HERC4: variants seen among roughly 807,000 people sequenced by gnomAD.
HERC4 encodes the protein probable E3 ubiquitin-protein ligase HERC4.
A neutral mutation model predicts 124.3 loss-of-function variants in HERC4; 28 were observed. The observed-to-expected ratio is 0.23, with a 90% confidence interval of 0.17 to 0.31. The LOEUF (loss-of-function observed/expected upper bound fraction) is 0.31. Among genes scored for constraint, HERC4 ranks in the 10% least tolerant of loss-of-function variants. The pLI is 1.00. For synonymous variants in HERC4, 407 were observed against 421.5 expected (o/e 0.97, Z 0.42); for missense variants, 713 against 1,229.3 (o/e 0.58, Z 6.28).
chr10:67,927,003 C>T (rs147361667), intron 23 of HERC4, among the ~76,000 whole-genome samples: 128 of 152,226 alleles, frequency 8.4e-4, no homozygotes, highest in African/African-American at 3.0e-3. Context: ...TAAATACTTG[C>T]TAATGGGCTT....
intron 8 of HERC4, among the ~76,000 whole-genome samples, chr10:68,018,025 T>C (rs1437955825): frequency 2.0e-5 from 3 of 152,182 alleles, no homozygotes; most frequent in African/African-American, 7.2e-5. Flanking sequence ...CATTCCTCAA[T>C]GTTATTTTAT....
intron 9 of HERC4, among the ~76,000 whole-genome samples, chr10:68,000,196 A>G (rs577727806): frequency 1.3e-5 from 2 of 152,226 alleles, no homozygotes; most frequent in Non-Finnish European, 2.9e-5. Flanking sequence ...CTGTACTAAC[A>G]GGGGCGATGC....
At chr10:68,059,488 T>TTATAATATTATATATTATAATATTATA (rs796555556) in intron 3 of HERC4, among the ~76,000 whole-genome samples, 4 of 121,540 alleles carry the variant, frequency 3.3e-5, no homozygotes, top group East Asian at 2.3e-4. Context: ...ATATTATATA[T>TTATAATATTATATATTATAATATTATA]TATAACATTA....
Position 68,070,804 on chromosome 10 carries a change from C to G in HERC4, c.226+2079G>C, listed in dbSNP as rs147442213. 1.3e-4 allele frequency among the ~76,000 whole-genome samples: 20 copies of G among 152,064 alleles called. No homozygotes were observed. In the East Asian group the frequency reaches 3.7e-3, roughly 28 times the overall value. On this transcript the variant is annotated intron_variant, in intron 3 of 24. Coordinates refer to ENST00000373700, the MANE Select transcript of HERC4 (RefSeq NM_015601.4). ...AGCTTTTCTCAGGATCAGGACCCCC[C>G]CCTTCTACAAAACTATTTCAGCTCC...
intron 7 of HERC4, among the ~76,000 whole-genome samples, chr10:68,029,409 T>C (rs2039074021): frequency 1.3e-5 from 2 of 151,968 alleles, no homozygotes; most frequent in African/African-American, 4.8e-5. Context: ...GGAGAATCAC[T>C]TGAACCCAAG....
intron 22 of HERC4, among the ~76,000 whole-genome samples, chr10:67,935,300 C>A (rs532704376): frequency 6.6e-6 from 1 of 152,068 alleles, no homozygotes; most frequent in Non-Finnish European, 1.5e-5. Context: ...CACATTCCAC[C>A]ACACCTGGCT....
At chr10:68,020,896 C>A (rs907031633) in intron 8 of HERC4, among the ~76,000 whole-genome samples, 1 of 151,690 alleles carries the variant, frequency 6.6e-6, no homozygotes. Flanking sequence ...AGGACAGTTG[C>A]AATTATTGAG....
chr10:67,986,122 C>T (rs1218534448), intron 15 of HERC4, among the ~76,000 whole-genome samples: 2 of 152,164 alleles, frequency 1.3e-5, no homozygotes, highest in Admixed American at 6.6e-5. Context: ...AAGAAAGTTT[C>T]CTCTAAGGCA....
intron 3 of HERC4, among the ~76,000 whole-genome samples, chr10:68,049,602 A>AAAAC (rs1218974615): frequency 5.3e-5 from 8 of 150,490 alleles, no homozygotes; most frequent in Non-Finnish European, 1.0e-4. Flanking sequence ...AAAAAAAAAA[A>AAAAC]AAAAAAAAAA....
At chr10:67,948,529 T>C (rs1315337146) in intron 19 of HERC4, among the ~76,000 whole-genome samples, 1 of 152,054 alleles carries the variant, frequency 6.6e-6, no homozygotes, top group Admixed American at 6.6e-5. Context: ...AAACAGTAGA[T>C]GTTGGCGTGG....
In HERC4 at chr10:67,932,767, C is replaced by T. The variant is rs763025239; in HGVS notation, c.2668G>A (p.Asp890Asn). 2.4e-5 allele frequency: 38 copies of T among 1,591,772 alleles called. No homozygotes were observed. Among genetic ancestry groups the T allele is most frequent in the Admixed American group, 9.7e-5 (5 of 51,792 alleles). The part of the protein sequence containing the change: ...VNKQNRQEFV[D>N]AYVDYIFNKS... ...TTGAATATGTAATCCACATAAGCAT[C>T]GACAAACTCTTGCCTAGAAATGAAA... The change falls in exon 23 of 25, where the codon GAT becomes AAT. Residue 890 changes from aspartate (D) to asparagine (N), a missense_variant. Physicochemically the swap from Asp to Asn is conservative, Grantham distance 23 (BLOSUM62 1). Coordinates refer to ENST00000373700, the MANE Select transcript of HERC4 (RefSeq NM_015601.4).
At chr10:67,998,123 T>G (rs1460362564) in intron 9 of HERC4, among the ~76,000 whole-genome samples, 1 of 151,984 alleles carries the variant, frequency 6.6e-6, no homozygotes, top group Non-Finnish European at 1.5e-5. Context: ...GGTCTTGATC[T>G]CTTGACCTTG....
intron 9 of HERC4, among the ~76,000 whole-genome samples, chr10:68,012,006 A>G (rs994974035): frequency 3.3e-5 from 5 of 152,202 alleles, no homozygotes; most frequent in Non-Finnish European, 7.3e-5. Flanking sequence ...GTACTTTTAC[A>G]TTATGGAGAT....
chr10:67,950,362 G>A (rs909959109), intron 19 of HERC4, among the ~76,000 whole-genome samples: 5 of 151,316 alleles, frequency 3.3e-5, no homozygotes, highest in South Asian at 2.1e-4. Flanking sequence ...TGCAACCTCC[G>A]CCATCCAGGT....
At chr10:68,059,691 T>TA (rs1554830292) in intron 3 of HERC4, among the ~76,000 whole-genome samples, 5 of 70,572 alleles carry the variant, frequency 7.1e-5, no homozygotes, top group East Asian at 6.6e-4. Flanking sequence ...CATAATATTA[T>TA]ATATTATAAT....
chr10:68,034,809 A>C (rs988074386), intron 5 of HERC4, among the ~76,000 whole-genome samples: 37 of 151,782 alleles, frequency 2.4e-4, no homozygotes, highest in African/African-American at 8.7e-4. Flanking sequence ...GTCTTCCTTA[A>C]TACTCCTCTC....
In HERC4 at chr10:67,991,188, C is replaced by A; in HGVS notation, c.1283G>T (p.Gly428Val). 1 of 1,533,830 alleles carries A rather than the reference C, an allele frequency of 6.5e-7. No homozygotes were observed. The highest frequency in any genetic ancestry group is 1.4e-5 in the South Asian group (1 of 73,748). The change falls in exon 12 of 25, where the codon GGA becomes GTA. Residue 428 changes from glycine to valine, a missense_variant. Coordinates refer to ENST00000373700, the MANE Select transcript of HERC4 (RefSeq NM_015601.4). ...TAGGCAACCAGAGGAAGAAAACGTT[C>A]CATCTATCTCACTAAAAAATTTAAA... The part of the protein sequence containing the change: ...FPVEIANEID[G>V]TFSSSGCLNG...
chr10:67,997,896 TA>T (rs2036984344), intron 9 of HERC4, among the ~76,000 whole-genome samples: 2 of 151,946 alleles, frequency 1.3e-5, no homozygotes, highest in Non-Finnish European at 2.9e-5. Flanking sequence ...GGATAGAACA[TA>T]TTTTTCTTTG....
intron 8 of HERC4, 143 bp from the exon 9 acceptor site, chr10:68,014,329 A>C: frequency 1.4e-6 from 1 of 711,876 alleles, no homozygotes; most frequent in Non-Finnish European, 2.2e-6. Flanking sequence ...GCTTCTGTAC[A>C]AATATTCATT....
Sources: allele counts gnomAD v4.1 joint callset (sites outside exome capture counted in the v4.1 genomes callset), GRCh38; gene constraint gnomAD v4.1.1; transcripts MANE v1.5; gene names NCBI Gene and HGNC (gene_info 2026-07-23, HGNC 2026-07-21).